Variants in ZNF251 observed in about 807,000 individuals in gnomAD.
ZNF251 encodes zinc finger protein 251.
In ZNF251, 14 loss-of-function variants were observed where a neutral mutation model predicts 13.5. The ratio of observed to expected loss-of-function variants is 1.04; its 90% CI spans 0.69 to 1.63. The LOEUF is 1.63. Among genes scored for constraint, ZNF251 ranks in the 40% most tolerant of loss-of-function variants. The pLI, the probability that ZNF251 is intolerant of heterozygous loss-of-function variation, is 0.00. For missense variants in ZNF251, 764 were observed against 834.9 expected (o/e 0.92, Z 1.05); for synonymous variants, 287 against 295.2 (o/e 0.97, Z 0.28).
At chr8:144,739,970 C>T (rs1047646967) in intron 4 of ZNF251, among the ~76,000 whole-genome samples, 2 of 151,992 alleles carry the variant, frequency 1.3e-5, no homozygotes, top group Admixed American at 6.6e-5. Flanking sequence ...ATGTCTTCTT[C>T]AGGAAACCAC....
chr8:144,749,917 C>T (rs1824614895), intron 4 of ZNF251, among the ~76,000 whole-genome samples: 1 of 143,136 alleles, frequency 7.0e-6, no homozygotes, highest in Admixed American at 7.2e-5. Context: ...GATGATCTCG[C>T]TATGCTGCCT....
Position 144,754,326 on chromosome 8 carries a change from A to C in ZNF251, c.34-5T>G. The C allele has an allele frequency of 1.2e-6, 2 of 1,603,246 alleles. No homozygotes were observed. Among genetic ancestry groups the C allele is most frequent in the Non-Finnish European group, 1.7e-6 (2 of 1,174,868 alleles). ...CTGGAAGGTCAGCGGCATCTCCTGC[A>C]ACAAAACATCGCCGCTGCCCAGGCC... On this transcript the variant is annotated splice_polypyrimidine_tract_variant and splice_region_variant and intron_variant, in intron 2 of 4. Coordinates refer to ENST00000292562, the MANE Select transcript of ZNF251 (RefSeq NM_138367.2).
chr8:144,726,565 T>G (rs1197741592), intron 4 of ZNF251, among the ~76,000 whole-genome samples: 2 of 150,852 alleles, frequency 1.3e-5, no homozygotes, highest in Non-Finnish European at 3.0e-5. Context: ...AAATAAAGAC[T>G]ATTAGAAAAC....
chr8:144,733,603 G>A (rs1414643083), intron 4 of ZNF251, among the ~76,000 whole-genome samples: 5 of 152,108 alleles, frequency 3.3e-5, no homozygotes, highest in South Asian at 2.1e-4. Flanking sequence ...CTCCTTGGAC[G>A]TGTTTGCTTC....
Position 144,722,129 on chromosome 8 carries a change from G to T in ZNF251, c.1531C>A (p.His511Asn). The T allele has an allele frequency of 6.2e-7, 1 of 1,614,142 alleles. No individual in the cohort carries two copies. The highest frequency in any genetic ancestry group is 8.5e-7 in the Non-Finnish European group (1 of 1,180,004). ...RSTLIQHQKV[H>N]SGETRKCRKH... ...CTGCACTTACGAGTCTCTCCGCTGT[G>T]AACTTTCTGATGCTGAATGAGGGTT... The change falls in exon 5 of 5, where the codon CAC becomes AAC. Residue 511 changes from histidine (H) to asparagine (N), a missense_variant. His to Asn is a moderately conservative substitution (Grantham distance 68). Transcript: ENST00000292562. This position sits in a 1 kb window ranked among gnomAD's most constrained non-coding sequence, Gnocchi z 4.8.
At chr8:144,740,640 A>G (rs1443521715) in intron 4 of ZNF251, among the ~76,000 whole-genome samples, 3 of 151,516 alleles carry the variant, frequency 2.0e-5, no homozygotes, top group Non-Finnish European at 1.5e-5. Context: ...AATCTCAAAA[A>G]AAAATAAAAA....
chr8:144,747,149 G>T (rs541000174), intron 4 of ZNF251, among the ~76,000 whole-genome samples: 34 of 151,490 alleles, frequency 2.2e-4, no homozygotes, highest in African/African-American at 8.2e-4. Flanking sequence ...ACAAATTTTG[G>T]TAAGTTTTAT....
intron 4 of ZNF251, among the ~76,000 whole-genome samples, chr8:144,743,310 C>T (rs747741841): frequency 2.8e-4 from 43 of 152,252 alleles, no homozygotes; most frequent in Middle Eastern, 3.4e-3. Flanking sequence ...GTGATCCACC[C>T]GCCTTGGCCT....
At chr8:144,725,000 T>G (rs1823476565) in intron 4 of ZNF251, among the ~76,000 whole-genome samples, 1 of 143,826 alleles carries the variant, frequency 7.0e-6, no homozygotes, top group Non-Finnish European at 1.6e-5. Flanking sequence ...ACCACCACCT[T>G]TTTTCTTTCT....
intron 4 of ZNF251, among the ~76,000 whole-genome samples, chr8:144,741,791 CAGA>C (rs1245250818): frequency 1.3e-5 from 2 of 152,082 alleles, no homozygotes; most frequent in Non-Finnish European, 1.5e-5. Flanking sequence ...TCGAGATGAA[CAGA>C]AATTATCTGA....
At chr8:144,724,663 A>C (rs1175966086) in intron 4 of ZNF251, among the ~76,000 whole-genome samples, 1 of 152,222 alleles carries the variant, frequency 6.6e-6, no homozygotes, top group African/African-American at 2.4e-5. Context: ...GGGGGGAAAC[A>C]AGGAAGAACC....
intron 1 of ZNF251, 149 bp downstream of exon 1, chr8:144,755,256 C>A: frequency 1.7e-6 from 2 of 1,165,740 alleles, no homozygotes; most frequent in Non-Finnish European, 1.1e-6. Flanking sequence ...CCGCGGTCGC[C>A]TCCTCCCGGC....
intron 4 of ZNF251, among the ~76,000 whole-genome samples, chr8:144,725,431 C>T (rs1275011688): frequency 6.6e-6 from 1 of 152,098 alleles, no homozygotes; most frequent in Non-Finnish European, 1.5e-5. Context: ...GCTGGGACTA[C>T]AGGTGTGCAC....
In ZNF251 at chr8:144,722,642, G is replaced by A; in HGVS notation, c.1018C>T (p.Gln340Ter). 2 of 1,614,160 alleles carry A rather than the reference G, an allele frequency of 1.2e-6. No individual in the cohort carries two copies. Among genetic ancestry groups the A allele is most frequent in the Non-Finnish European group, 1.7e-6 (2 of 1,180,028 alleles). ...GGCTTCTCTCCAGTGTGAATTCTCT[G>A]ATGCTGAGTTAACTGGGGGCTCTGG... ...FSQSPQLTQH[Q>*]RIHTGEKPHE... The change falls in exon 5 of 5, where the codon CAG (glutamine) becomes TAG (stop). Residue 340 changes from glutamine to a stop codon, truncating the protein, a stop_gained. Coordinates refer to ENST00000292562, the MANE Select transcript of ZNF251 (RefSeq NM_138367.2). LOFTEE classifies it low-confidence loss of function (END_TRUNC). This position sits in a 1 kb window ranked among gnomAD's most constrained non-coding sequence, Gnocchi z 4.8.
At position 144,721,269 on chromosome 8, in the gene ZNF251, G is replaced by A. The variant is rs1823365319; in HGVS notation, c.*375C>T. The A allele has an allele frequency of 3.4e-6, 1 of 295,504 alleles. No homozygotes were observed. The highest frequency in any genetic ancestry group is 5.2e-5 in the Admixed American group (1 of 19,326). 18.3% of individuals were successfully genotyped at this position (295,504 alleles called of 1,614,324 possible). A position where few individuals can be genotyped will look rare whatever the true frequency, so the allele number is the denominator to read the frequency against. ...TGGAGGCAGGTATATGGGACTGAAA[G>A]TGGATGTTCTCAGCCACAAGCCTGG... On this transcript the variant is annotated 3_prime_UTR_variant, in exon 5 of 5. Coordinates refer to ENST00000292562, the MANE Select transcript of ZNF251 (RefSeq NM_138367.2).
intron 4 of ZNF251, among the ~76,000 whole-genome samples, chr8:144,736,347 CTTTAT>C (rs1823890553): frequency 6.6e-6 from 1 of 152,080 alleles, no homozygotes; most frequent in Admixed American, 6.6e-5. Context: ...ACTTTCAGTA[CTTTAT>C]AAGGGGGCCC....
At chr8:144,755,308 C>T in intron 1 of ZNF251, 97 bp downstream of exon 1, 1 of 1,276,256 alleles carries the variant, frequency 7.8e-7, no homozygotes, top group African/African-American at 1.6e-5. Context: ...CCAGAACAGG[C>T]TCCTCCTGGA....
intron 4 of ZNF251, among the ~76,000 whole-genome samples, chr8:144,733,607 T>C (rs1026157758): frequency 6.6e-6 from 1 of 152,110 alleles, no homozygotes; most frequent in Admixed American, 6.6e-5. Context: ...TTGGACGTGT[T>C]TGCTTCAAAC....
intron 4 of ZNF251, among the ~76,000 whole-genome samples, chr8:144,749,396 G>C (rs1824584326): frequency 2.6e-5 from 4 of 152,008 alleles, no homozygotes; most frequent in Admixed American, 2.6e-4. Context: ...GTGGTGGGAG[G>C]ATCACTCGAG....
Sources: allele counts gnomAD v4.1 joint callset (sites outside exome capture counted in the v4.1 genomes callset), GRCh38; gene constraint gnomAD v4.1.1; non-coding constraint Gnocchi (gnomAD v3.1); transcripts MANE v1.5; gene names NCBI Gene and HGNC (gene_info 2026-07-23, HGNC 2026-07-21).